Variants in GARIN1A observed in about 807,000 individuals in gnomAD.
GARIN1A encodes the protein golgi associated RAB2 interactor 1A.
chr7:128,701,406 AAGGGAAGGGGAGGAGAGGGGAAGGGG>A, the GARIN1A span, among the ~76,000 whole-genome samples: 1 of 3,864 alleles, frequency 2.6e-4, no homozygotes, highest in Non-Finnish European at 4.7e-4. Flanking sequence ...GGGGAAGGGG[AAGGGAAGGGGAGGAGAGGGGAAGGGG>A]AGGGGAGGGG....
the GARIN1A span, chr7:128,683,251 G>A: frequency 1.4e-5 from 14 of 972,726 alleles, 1 homozygote; most frequent in Admixed American, 3.8e-4. Context: ...GTGACCTTGG[G>A]AGAGGTAAGA....
chr7:128,682,378 G>A, the GARIN1A span, among the ~76,000 whole-genome samples: 1 of 152,140 alleles, frequency 6.6e-6, no homozygotes, highest in South Asian at 2.1e-4. Flanking sequence ...CAGTACTTAA[G>A]GTTTGAAGAG....
At chr7:128,697,331 A>G in the GARIN1A span, 5 of 152,410 alleles carry the variant, frequency 3.3e-5, no homozygotes, top group Non-Finnish European at 7.3e-5. Flanking sequence ...TGGTCCCGTG[A>G]ATCACAGCCA....
the GARIN1A span, among the ~76,000 whole-genome samples, chr7:128,699,262 C>CT: frequency 7.9e-4 from 13 of 16,514 alleles, 1 homozygote; most frequent in African/African-American, 3.6e-3. Context: ...TACCTGCTGC[C>CT]CCCCCCCCCC....
At chr7:128,688,774 C>T in the GARIN1A span, among the ~76,000 whole-genome samples, 1 of 30,704 alleles carries the variant, frequency 3.3e-5, no homozygotes. Context: ...TCCCCCTCCC[C>T]TCCCCCTCCC....
At chr7:128,699,279 C>A in the GARIN1A span, among the ~76,000 whole-genome samples, 3 of 137,988 alleles carry the variant, frequency 2.2e-5, no homozygotes, top group African/African-American at 8.1e-5. Context: ...CCCCCACCAC[C>A]AAAAACAACC....
the GARIN1A span, among the ~76,000 whole-genome samples, chr7:128,677,319 AAC>A: frequency 6.6e-6 from 1 of 151,222 alleles, no homozygotes; most frequent in Non-Finnish European, 1.5e-5. Flanking sequence ...CATCCTGGCT[AAC>A]ACAGTGAAAC....
At chr7:128,673,686 G>A in the GARIN1A span, among the ~76,000 whole-genome samples, 1 of 152,148 alleles carries the variant, frequency 6.6e-6, no homozygotes, top group Admixed American at 6.5e-5. Context: ...TGGAGTCCCC[G>A]GATTTTGGAG....
At chr7:128,703,010 T>C in the GARIN1A span, among the ~76,000 whole-genome samples, 1 of 152,222 alleles carries the variant, frequency 6.6e-6, no homozygotes, top group Non-Finnish European at 1.5e-5. Flanking sequence ...GTTTTGAATG[T>C]GCAAGCATGT....
chr7:128,691,898 C>A, the GARIN1A span, among the ~76,000 whole-genome samples: 5 of 152,192 alleles, frequency 3.3e-5, no homozygotes, highest in Non-Finnish European at 5.9e-5. Flanking sequence ...ACTTAGCTAG[C>A]TTGATGCCCC....
the GARIN1A span, chr7:128,680,212 A>G: frequency 1.1e-6 from 1 of 871,586 alleles, no homozygotes; most frequent in African/African-American, 1.7e-5. Context: ...GGGGTCAACG[A>G]ACCTATCTCA....
chr7:128,682,443 G>GTAA, the GARIN1A span, among the ~76,000 whole-genome samples: 3 of 152,178 alleles, frequency 2.0e-5, no homozygotes, highest in Non-Finnish European at 2.9e-5. Context: ...CTCCTCCTCT[G>GTAA]TGGCTTTCTC....
chr7:128,706,346 T>C, the GARIN1A span, among the ~76,000 whole-genome samples: 1 of 152,134 alleles, frequency 6.6e-6, no homozygotes, highest in African/African-American at 2.4e-5. Flanking sequence ...TCTACATACT[T>C]AGCGTGCTTC....
the GARIN1A span, among the ~76,000 whole-genome samples, chr7:128,701,357 AAGGGGAGGGGAGGGGAAGGGGAGGGAG>A: frequency 3.6e-4 from 6 of 16,836 alleles, no homozygotes; most frequent in African/African-American, 7.9e-4. Context: ...AGGGGAGGGG[AAGGGGAGGGGAGGGGAAGGGGAGGGAG>A]AGGGGAGGGG....
the GARIN1A span, among the ~76,000 whole-genome samples, chr7:128,696,008 C>CTTTT: frequency 1.9e-4 from 15 of 80,120 alleles, no homozygotes; most frequent in African/African-American, 5.1e-4. Flanking sequence ...TCCTAACTTC[C>CTTTT]TTTTTTTTTT....
the GARIN1A span, chr7:128,683,184 T>C: frequency 1.9e-6 from 3 of 1,559,278 alleles, no homozygotes; most frequent in Non-Finnish European, 1.8e-6. Context: ...ATGCTCTTCC[T>C]TGCATACGTG....
chr7:128,676,669 C>T, the GARIN1A span, among the ~76,000 whole-genome samples: 7 of 151,220 alleles, frequency 4.6e-5, no homozygotes, highest in Non-Finnish European at 1.0e-4. Flanking sequence ...CTATGAAATG[C>T]TGAGATTGAA....
chr7:128,677,873 G>A, the GARIN1A span: 1 of 1,403,342 alleles, frequency 7.1e-7, no homozygotes, highest in Admixed American at 2.2e-5. Context: ...ATATATGTAA[G>A]TGTCTGTGTA....
chr7:128,691,952 A>T, the GARIN1A span, among the ~76,000 whole-genome samples: 1 of 152,118 alleles, frequency 6.6e-6, no homozygotes, highest in Non-Finnish European at 1.5e-5. Flanking sequence ...ACTCATCTCC[A>T]TGCAGGCGTT....
Sources: gnomAD v4.1 joint callset for allele counts (sites outside exome capture counted in the v4.1 genomes callset) on GRCh38, gnomAD v4.1.1 for gene constraint, MANE v1.5 for transcripts, NCBI Gene and HGNC (gene_info 2026-07-23, HGNC 2026-07-21) for gene names.